Variants in ABCD3 observed in about 807,000 individuals in gnomAD.
ABCD3 encodes ATP binding cassette subfamily D member 3.
Under a neutral mutation model 105.5 loss-of-function variants are expected in ABCD3, and 41 were observed. The ratio of observed to expected loss-of-function variants is 0.39; its 90% CI spans 0.30 to 0.50. The LOEUF (loss-of-function observed/expected upper bound fraction) is 0.50, where lower values mean the gene tolerates loss of function less well. ABCD3 is among the 20% of genes least tolerant of loss of function. The probability of loss-of-function intolerance (pLI) is 0.84; values close to 1 mark genes in which losing one functional copy is unlikely to be tolerated. For synonymous variants in ABCD3, 258 were observed against 269.0 expected (o/e 0.96, Z 0.40); for missense variants, 622 against 806.3 (o/e 0.77, Z 2.77).
intron 1 of ABCD3, among the ~76,000 whole-genome samples, chr1:94,450,706 A>G (rs891105206): frequency 6.6e-6 from 1 of 152,170 alleles, no homozygotes; most frequent in Non-Finnish European, 1.5e-5. Flanking sequence ...TTCCCACTCC[A>G]CACTCTATAT....
chr1:94,425,564 A>G (rs1290807734), intron 1 of ABCD3, among the ~76,000 whole-genome samples: 2 of 152,218 alleles, frequency 1.3e-5, no homozygotes, highest in African/African-American at 2.4e-5. Context: ...GGATTAATGA[A>G]TGGAGGCTTA....
Position 94,451,876 on chromosome 1 carries a change from C to G in ABCD3, c.111-6731C>G, listed in dbSNP as rs563361968. The stretch of plus-strand genomic sequence containing the variant: ...TTGGAGTTGATAGCTGCTAATACTT[C>G]CTCTGTCTTAAGTTTGTGGTCTTCT... On this transcript the variant is annotated intron_variant, in intron 1 of 22. Transcript: ENST00000370214. 5.9e-5 allele frequency among the ~76,000 whole-genome samples: 9 copies of G among 152,288 alleles called. No individual in the cohort carries two copies. The South Asian group carries it at 1.9e-3, about 32-fold the overall frequency.
the ABCD3 span, among the ~76,000 whole-genome samples, chr1:94,389,456 G>A: frequency 1.1e-4 from 16 of 152,360 alleles, no homozygotes; most frequent in African/African-American, 3.6e-4. Context: ...ACAATAGCAT[G>A]AGCGATCTGT....
At chr1:94,504,974 A>G (rs1488228156) in intron 20 of ABCD3, among the ~76,000 whole-genome samples, 1 of 152,084 alleles carries the variant, frequency 6.6e-6, no homozygotes, top group Non-Finnish European at 1.5e-5. Flanking sequence ...GGGAAGAGGA[A>G]AAGGGAAGGA....
intron 21 of ABCD3, 113 bp downstream of exon 21, chr1:94,506,755 A>G (rs2101055694): frequency 2.8e-6 from 2 of 710,026 alleles, no homozygotes; most frequent in Non-Finnish European, 4.9e-6. Context: ...AATTTCTACC[A>G]AAAGATTTCT....
In ABCD3 at chr1:94,510,008, T is replaced by C. The variant is rs568917592; in HGVS notation, c.1845+3366T>C. Among the ~76,000 whole-genome samples, 524 of 152,306 alleles carry C rather than the reference T, an allele frequency of 3.4e-3. 1 individual carries two copies. Among genetic ancestry groups the C allele is most frequent in the African/African-American group, 0.012 (484 of 41,568 alleles). The stretch of plus-strand genomic sequence containing the variant: ...ATTTCCTTCAGTTCTGCTCTGATTT[T>C]AGTTATTTCTTGCCTTCTGCTAGCT... On this transcript the variant is annotated intron_variant, in intron 21 of 22. Transcript: ENST00000370214.
chr1:94,437,101 T>G (rs1295367781), intron 1 of ABCD3, among the ~76,000 whole-genome samples: 1 of 152,208 alleles, frequency 6.6e-6, no homozygotes, highest in Non-Finnish European at 1.5e-5. Context: ...ATCTCTATAA[T>G]ATGAAATTGC....
chr1:94,468,979 G>A (rs1648308326), intron 4 of ABCD3, among the ~76,000 whole-genome samples: 2 of 151,946 alleles, frequency 1.3e-5, no homozygotes, highest in South Asian at 4.2e-4. Flanking sequence ...TGAAACCTGT[G>A]GTCAGTCCTG....
intron 8 of ABCD3, among the ~76,000 whole-genome samples, chr1:94,479,307 TTAAA>T (rs1648919857): frequency 6.6e-6 from 1 of 152,224 alleles, no homozygotes; most frequent in Non-Finnish European, 1.5e-5. Flanking sequence ...TTTGTGATAC[TTAAA>T]TATGTCTCCA....
intron 2 of ABCD3, among the ~76,000 whole-genome samples, chr1:94,460,853 T>G (rs1472980747): frequency 1.3e-5 from 2 of 152,170 alleles, no homozygotes; most frequent in Non-Finnish European, 2.9e-5. Flanking sequence ...CCGTGATCTC[T>G]CATGTCTAAG....
chr1:94,483,530 CAAG>C (rs1486223194), intron 10 of ABCD3, among the ~76,000 whole-genome samples: 1 of 152,004 alleles, frequency 6.6e-6, no homozygotes, highest in Non-Finnish European at 1.5e-5. Flanking sequence ...CTGACAAAAA[CAAG>C]AAATGAGGAA....
rs1649945901 is a variant in ABCD3 at position 94,498,662 on chromosome 1, T to C, written c.1447T>C (p.Phe483Leu). The C allele has an allele frequency of 6.2e-7, 1 of 1,613,982 alleles. No individual in the cohort carries two copies. Among genetic ancestry groups the C allele is most frequent in the Non-Finnish European group, 8.5e-7 (1 of 1,179,984 alleles). The change falls in exon 17 of 23, where the codon TTC becomes CTC. Residue 483 changes from phenylalanine (F) to leucine (L), a missense_variant. Phe to Leu is a conservative substitution (Grantham distance 22). Transcript: ENST00000370214. The part of the protein sequence containing the change: ...GPNGCGKSSL[F>L]RVLGELWPLF... ...AAATGGCTGCGGAAAGAGTTCACTT[T>C]TCCGTGTTCTTGGTGAAGTAAGTAC...
In ABCD3 at chr1:94,518,045, T is replaced by G. The variant is rs112447292; in HGVS notation, c.*916T>G. The G allele has an allele frequency of 3.9e-5, 6 of 151,912 alleles. No individual in the cohort carries two copies. Among genetic ancestry groups the G allele is most frequent in the African/African-American group, 1.4e-4 (6 of 41,420 alleles). The allele number at this position is 151,912 out of a possible 1,614,324, so 9.4% of individuals were successfully genotyped here. On this transcript the variant is annotated 3_prime_UTR_variant, in exon 23 of 23. Transcript: ENST00000370214. ...AAATAATGCACTGAGTATGCAATGC[T>G]ATCACTGTCTTTGACTGTGATTTTA...
chr1:94,483,345 A>T, intron 10 of ABCD3, 106 bp downstream of exon 10: 3 of 791,190 alleles, frequency 3.8e-6, no homozygotes, highest in South Asian at 1.5e-5. Flanking sequence ...ACACACACGT[A>T]TGTATACATA....
chr1:94,412,589 A>G, the ABCD3 span, among the ~76,000 whole-genome samples: 468 of 152,334 alleles, frequency 3.1e-3, no homozygotes, highest in African/African-American at 0.011. Context: ...CATTATACCT[A>G]TGATATTTTA....
intron 12 of ABCD3, 48 bp downstream of exon 12, chr1:94,487,839 A>T (rs988254864): frequency 1.9e-6 from 3 of 1,608,442 alleles, no homozygotes; most frequent in Non-Finnish European, 1.7e-6. Context: ...AAATAAAGCC[A>T]AATTTTTAGT....
chr1:94,515,491 T>C (rs1026774958), intron 22 of ABCD3, among the ~76,000 whole-genome samples: 1 of 152,008 alleles, frequency 6.6e-6, no homozygotes, highest in African/African-American at 2.4e-5. Flanking sequence ...AGTAAACTTT[T>C]CTTATCCAGC....
At chr1:94,423,303 A>ACC (rs1659334412) in intron 1 of ABCD3, among the ~76,000 whole-genome samples, 1 of 152,154 alleles carries the variant, frequency 6.6e-6, no homozygotes, top group Admixed American at 6.5e-5. Flanking sequence ...TGTTTTATCT[A>ACC]TTCATTGCTT....
In ABCD3 at chr1:94,428,489, C is replaced by T. The variant is rs1328254446; in HGVS notation, c.110+9901C>T. Among the ~76,000 whole-genome samples, 5 of 152,134 alleles carry T rather than the reference C, an allele frequency of 3.3e-5. No homozygotes were observed. In the East Asian group the frequency reaches 5.8e-4, roughly 18 times the overall value. ...TGTCACTATTTTAAAAATATTTATA[C>T]AGCTTCTTAAATGTATGAAGTAAGC... On this transcript the variant is annotated intron_variant, in intron 1 of 22. Transcript: ENST00000370214.
Sources: gnomAD v4.1 joint callset for allele counts (sites outside exome capture counted in the v4.1 genomes callset) on GRCh38, gnomAD v4.1.1 for gene constraint, MANE v1.5 for transcripts, NCBI Gene and HGNC (gene_info 2026-07-23, HGNC 2026-07-21) for gene names.